The following MYRIP variants were observed in gnomAD, a reference collection of about 807,000 sequenced individuals.
MYRIP encodes the protein rab effector MyRIP.
MYRIP carries 49 observed loss-of-function variants against 98.0 expected under a neutral mutation model. The observed-to-expected ratio is 0.50, with a 90% CI of 0.40 to 0.63. MYRIP has a LOEUF of 0.63. MYRIP is among the 30% of genes least tolerant of loss of function. MYRIP has a pLI of 0.00. For synonymous variants in MYRIP, 404 were observed against 409.5 expected (o/e 0.99, Z 0.16); for missense variants, 1,004 against 1,058.2 (o/e 0.95, Z 0.71).
At chr3:39,824,354 C>T (rs909734311) in intron 1 of MYRIP, among the ~76,000 whole-genome samples, 17 of 152,144 alleles carry the variant, frequency 1.1e-4, no homozygotes, top group African/African-American at 3.9e-4. Flanking sequence ...TGGTTCCATA[C>T]ATAGTTTTGG....
At chr3:40,047,222 CTA>C (rs1947689237) in intron 3 of MYRIP, among the ~76,000 whole-genome samples, 1 of 152,198 alleles carries the variant, frequency 6.6e-6, no homozygotes, top group Admixed American at 6.5e-5. Context: ...GCTGCCAAGA[CTA>C]TATTTTAAAT....
chr3:40,203,233 C>A (rs1240798592), intron 10 of MYRIP, among the ~76,000 whole-genome samples: 2 of 152,012 alleles, frequency 1.3e-5, no homozygotes, highest in Non-Finnish European at 2.9e-5. Context: ...CCTGGCTCTT[C>A]TCCATTTATT....
At chr3:40,041,519 G>A (rs943470813) in intron 2 of MYRIP, among the ~76,000 whole-genome samples, 3 of 150,086 alleles carry the variant, frequency 2.0e-5, no homozygotes, top group African/African-American at 4.9e-5. Context: ...AATCCAAACT[G>A]AGGAACATTC....
chr3:39,894,544 A>G (rs906331922), intron 1 of MYRIP, among the ~76,000 whole-genome samples: 6 of 152,174 alleles, frequency 3.9e-5, no homozygotes, highest in Admixed American at 3.9e-4. Flanking sequence ...ATTTGGATCT[A>G]TTTTAATAGT....
chr3:39,975,662 C>T (rs1329453861), intron 2 of MYRIP, among the ~76,000 whole-genome samples: 1 of 152,064 alleles, frequency 6.6e-6, no homozygotes, highest in Non-Finnish European at 1.5e-5. Flanking sequence ...TACAAGGCTA[C>T]AGTAACCAAA....
At chr3:40,167,004 G>A in intron 6 of MYRIP, 61 bp downstream of exon 6, 1 of 1,437,840 alleles carries the variant, frequency 7.0e-7, no homozygotes, top group Non-Finnish European at 9.8e-7. Flanking sequence ...TTGCTGCCAG[G>A]AGAAAGTGCA....
At chr3:40,037,368 T>C (rs1947406379) in intron 2 of MYRIP, among the ~76,000 whole-genome samples, 1 of 152,090 alleles carries the variant, frequency 6.6e-6, no homozygotes, top group Admixed American at 6.6e-5. Flanking sequence ...GCCTTTTATC[T>C]TGTAGCTGTC....
chr3:40,250,286 T>G lies in MYRIP; in HGVS notation c.2327T>G (p.Val776Gly). 2 of 1,614,158 alleles carry G rather than the reference T, an allele frequency of 1.2e-6. No individual in the cohort carries two copies. The stretch of plus-strand genomic sequence containing the variant: ...GCAGGATTAAACATAGCACCATGTG[T>G]GCGCTTCACAAGAAGACGGGATCAG... ...TIAGLNIAPC[V>G]RFTRRRDQKQ... Residue 776 changes from valine to glycine, a missense_variant, in exon 14 of 17, where the codon GTG becomes GGG. By Grantham distance (109) the Val-to-Gly change is moderately radical. Around this residue, in one of 3 missense-constraint regions of MYRIP, gnomAD observed 108 missense variants for 111.1 expected, o/e 0.97. Coordinates refer to ENST00000302541, the MANE Select transcript of MYRIP (RefSeq NM_015460.4).
At chr3:39,992,051 A>G (rs74715208) in intron 2 of MYRIP, among the ~76,000 whole-genome samples, 227 of 152,314 alleles carry the variant, frequency 1.5e-3, no homozygotes, top group African/African-American at 5.1e-3. Flanking sequence ...GAGAGATTGA[A>G]CAAATTTTCT....
At chr3:40,110,392 G>T (rs1224736222) in intron 3 of MYRIP, among the ~76,000 whole-genome samples, 1 of 152,216 alleles carries the variant, frequency 6.6e-6, no homozygotes, top group African/African-American at 2.4e-5. Context: ...TAGTTTAGAG[G>T]CAAGAGGCCA....
At chr3:39,835,557 G>A (rs1339408503) in intron 1 of MYRIP, among the ~76,000 whole-genome samples, 2 of 152,048 alleles carry the variant, frequency 1.3e-5, no homozygotes, top group African/African-American at 4.8e-5. Context: ...ATTTGAAGAT[G>A]AGAAAATAAC....
Position 39,974,374 on chromosome 3 carries a change from A to C in MYRIP, c.111-69676A>C, listed in dbSNP as rs187682234. Among the ~76,000 whole-genome samples the C allele has an allele frequency of 1.4e-3, 213 of 152,114 alleles. 3 individuals are homozygous for C. In the East Asian group the frequency reaches 0.015, roughly 11 times the overall value. On this transcript the variant is annotated intron_variant, in intron 2 of 16. Coordinates refer to ENST00000302541, the MANE Select transcript of MYRIP (RefSeq NM_015460.4). ...AGGAGGAAGTCGAATCTCTGAATAGACCAATAACAGGCTCTGAAATTCAGG... is the reference window on the plus strand; with the variant it reads ...AGGAGGAAGTCGAATCTCTGAATAGCCCAATAACAGGCTCTGAAATTCAGG...
intron 1 of MYRIP, among the ~76,000 whole-genome samples, chr3:39,854,066 T>G (rs1942215902): frequency 6.6e-6 from 1 of 152,184 alleles, no homozygotes; most frequent in Non-Finnish European, 1.5e-5. Context: ...GCTGTAAGTA[T>G]TTGGCTTTAT....
chr3:39,858,615 TC>T lies in MYRIP; in HGVS notation c.-30-42171del, dbSNP rs770497953. ...TTCTTTCCAAGGGCACACAAAACAT[TC>T]TCCAGGATAGATTATATGTTAGGCC... On this transcript the variant is annotated intron_variant, in intron 1 of 16. Coordinates refer to ENST00000302541, the MANE Select transcript of MYRIP (RefSeq NM_015460.4). 3.6e-5 allele frequency among the ~76,000 whole-genome samples: 5 copies of T among 137,768 alleles called. No individual in the cohort carries two copies. The East Asian group carries it at 9.7e-4, about 27-fold the overall frequency. The allele number at this position is 137,768 out of a possible 152,430, so 90.4% of individuals were successfully genotyped here. A position where few individuals can be genotyped will look rare whatever the true frequency, so the allele number is the denominator to read the frequency against.
chr3:40,041,022 G>GAAAAAAAAAAAAAAAAAAAAAAAAAAAA, intron 2 of MYRIP, among the ~76,000 whole-genome samples: 2 of 41,210 alleles, frequency 4.9e-5, no homozygotes, highest in East Asian at 6.7e-4. Flanking sequence ...ATTACCAGCA[G>GAAAAAAAAAAAAAAAAAAAAAAAAAAAA]AAAAAAAAAA....
intron 1 of MYRIP, among the ~76,000 whole-genome samples, chr3:39,823,041 A>G (rs1441122812): frequency 8.1e-6 from 1 of 123,078 alleles, no homozygotes; most frequent in African/African-American, 3.2e-5. Context: ...TTTTTTTGAG[A>G]TAGAGTCTGA....
At chr3:40,089,489 T>C (rs889415256) in intron 3 of MYRIP, among the ~76,000 whole-genome samples, 8 of 152,192 alleles carry the variant, frequency 5.3e-5, no homozygotes, top group Non-Finnish European at 1.2e-4. Flanking sequence ...ATGCAGGTTC[T>C]TCCAGGCATG....
chr3:40,147,259 GTATA>G (rs967450152), intron 3 of MYRIP, among the ~76,000 whole-genome samples: 2 of 151,940 alleles, frequency 1.3e-5, no homozygotes, highest in African/African-American at 4.8e-5. Flanking sequence ...ATTATCTTTG[GTATA>G]TATACCTTAC....
chr3:39,979,593 G>A (rs974621825), intron 2 of MYRIP, among the ~76,000 whole-genome samples: 6 of 148,102 alleles, frequency 4.1e-5, no homozygotes, highest in Non-Finnish European at 7.4e-5. Context: ...AGCCAAGATC[G>A]CACCATTGCA....
Sources: allele counts gnomAD v4.1 joint callset (sites outside exome capture counted in the v4.1 genomes callset), GRCh38; gene constraint gnomAD v4.1.1; regional missense constraint gnomAD v4.1.1; transcripts MANE v1.5; gene names NCBI Gene and HGNC (gene_info 2026-07-23, HGNC 2026-07-21).